ADARB2: variants seen among roughly 807,000 people sequenced by gnomAD.
ADARB2 encodes the protein inactive double-stranded RNA-specific editase B2.
A neutral mutation model predicts 62.2 loss-of-function variants in ADARB2; 25 were observed. That is an observed-to-expected ratio of 0.40 (90% CI 0.29 to 0.56). The LOEUF (loss-of-function observed/expected upper bound fraction) is 0.56, where lower values mean the gene tolerates loss of function less well. Ranked by LOEUF, ADARB2 falls within the 20% of genes least tolerant of loss-of-function variation. The pLI, the probability that ADARB2 is intolerant of heterozygous loss-of-function variation, is 0.43. For missense variants in ADARB2, 1,071 were observed against 1,077.4 expected (o/e 0.99, Z 0.08); for synonymous variants, 572 against 500.8 (o/e 1.14, Z -1.90).
intron 6 of ADARB2, among the ~76,000 whole-genome samples, chr10:1,229,194 GTTT>G (rs1830775371): frequency 6.6e-6 from 1 of 152,196 alleles, no homozygotes; most frequent in South Asian, 2.1e-4. Flanking sequence ...CTAGACAAAT[GTTT>G]TTGAGGGGAA....
chr10:1,244,504 T>C (rs1022035138), intron 4 of ADARB2, among the ~76,000 whole-genome samples: 5 of 152,152 alleles, frequency 3.3e-5, no homozygotes, highest in African/African-American at 1.2e-4. Flanking sequence ...TACCCCTCAT[T>C]GATTCCCAGC....
chr10:1,481,208 T>C (rs1831466161), intron 1 of ADARB2, among the ~76,000 whole-genome samples: 1 of 152,244 alleles, frequency 6.6e-6, no homozygotes, highest in Non-Finnish European at 1.5e-5. Flanking sequence ...AACTAGTCAA[T>C]GCAGAAAGGA....
At chr10:1,594,245 C>T (rs1426312702) in intron 1 of ADARB2, among the ~76,000 whole-genome samples, 4 of 152,096 alleles carry the variant, frequency 2.6e-5, no homozygotes, top group African/African-American at 9.7e-5. Context: ...GACCTGAGAT[C>T]GTGCCACTGC....
At chr10:1,638,388 A>G (rs1833939282) in intron 1 of ADARB2, among the ~76,000 whole-genome samples, 1 of 152,260 alleles carries the variant, frequency 6.6e-6, no homozygotes, top group Non-Finnish European at 1.5e-5. Context: ...TCTTAGCATT[A>G]ATACAGAAAT....
At chr10:1,361,388 T>G (rs1386190400) in intron 3 of ADARB2, 1 of 152,326 alleles carries the variant, frequency 6.6e-6, no homozygotes, top group East Asian at 1.9e-4. Flanking sequence ...GTGGAAGCCA[T>G]CCTTGCTGTC....
intron 1 of ADARB2, among the ~76,000 whole-genome samples, chr10:1,464,758 T>C (rs1464358250): frequency 1.4e-4 from 19 of 140,686 alleles, no homozygotes; most frequent in African/African-American, 4.8e-4. Flanking sequence ...CTGGGGGCAG[T>C]CACAGCGGGC....
intron 6 of ADARB2, among the ~76,000 whole-genome samples, chr10:1,226,619 C>G (rs1830748963): frequency 1.3e-5 from 2 of 152,200 alleles, no homozygotes; most frequent in South Asian, 4.1e-4. Context: ...TGTTAGTTTT[C>G]CTTCTAACAG....
intron 2 of ADARB2, among the ~76,000 whole-genome samples, chr10:1,375,281 C>T (rs1832412350): frequency 4.6e-5 from 7 of 152,192 alleles, no homozygotes; most frequent in Admixed American, 4.6e-4. Context: ...GGACTCATGG[C>T]TGCTCAGTGT....
intron 1 of ADARB2, among the ~76,000 whole-genome samples, chr10:1,429,058 A>C (rs546959953): frequency 6.6e-5 from 10 of 150,432 alleles, no homozygotes; most frequent in African/African-American, 2.5e-4. Context: ...TGGTCTGAAT[A>C]AGGTGGGTGG....
intron 3 of ADARB2, among the ~76,000 whole-genome samples, chr10:1,327,628 C>G (rs372629512): frequency 8.9e-6 from 1 of 112,600 alleles, no homozygotes; most frequent in Non-Finnish European, 2.0e-5. Flanking sequence ...CGCCTCCCCA[C>G]GGCACAGCGC....
intron 1 of ADARB2, among the ~76,000 whole-genome samples, chr10:1,578,498 G>A (rs1343030357): frequency 6.6e-6 from 1 of 152,198 alleles, no homozygotes; most frequent in East Asian, 1.9e-4. Context: ...TGGGAGCTGT[G>A]CTGGTGCAAA....
chr10:1,569,704 T>G (rs891207976), intron 1 of ADARB2, among the ~76,000 whole-genome samples: 1 of 152,232 alleles, frequency 6.6e-6, no homozygotes, highest in African/African-American at 2.4e-5. Context: ...GCCATAAATT[T>G]GATCATATTT....
At chr10:1,544,830 G>C (rs186853017) in intron 1 of ADARB2, among the ~76,000 whole-genome samples, 523 of 152,166 alleles carry the variant, frequency 3.4e-3, no homozygotes, top group Non-Finnish European at 5.8e-3. Flanking sequence ...GATATGTAAA[G>C]AGTATGTAAT....
At chr10:1,217,368 G>T (rs758775862) in intron 6 of ADARB2, among the ~76,000 whole-genome samples, 3 of 152,146 alleles carry the variant, frequency 2.0e-5, no homozygotes, top group Non-Finnish European at 2.9e-5. Flanking sequence ...TCATGGGCCA[G>T]ACTCTCTTTT....
At chr10:1,569,480 G>A (rs1359467560) in intron 1 of ADARB2, among the ~76,000 whole-genome samples, 1 of 152,202 alleles carries the variant, frequency 6.6e-6, no homozygotes, top group African/African-American at 2.4e-5. Context: ...AGCGTGGCTG[G>A]TTTACCCAAC....
rs79645208 is a variant in ADARB2, at chr10:1,403,937, T to C, written c.101-24777A>G. Among the ~76,000 whole-genome samples the C allele has an allele frequency of 5.3e-4, 80 of 152,318 alleles. No homozygotes were observed. The East Asian group carries it at 0.015, about 28-fold the overall frequency. On this transcript the variant is annotated intron_variant, in intron 1 of 9. Coordinates refer to ENST00000381312, the MANE Select transcript of ADARB2 (RefSeq NM_018702.4). The stretch of plus-strand genomic sequence containing the variant: ...TCATCTGGGTGTGTCTGCAGGGCAC[T>C]GTCCTGTGAATATCAACCAGGCCAG...
chr10:1,228,529 C>T (rs1830768057), intron 6 of ADARB2, among the ~76,000 whole-genome samples: 1 of 152,228 alleles, frequency 6.6e-6, no homozygotes, highest in African/African-American at 2.4e-5. Flanking sequence ...CATAGACACA[C>T]ACAGCATGTT....
intron 1 of ADARB2, among the ~76,000 whole-genome samples, chr10:1,655,010 T>A (rs954011552): frequency 6.6e-5 from 10 of 152,164 alleles, no homozygotes; most frequent in African/African-American, 2.4e-4. Context: ...GGCGTGAGGG[T>A]GAGGACGCGG....
intron 1 of ADARB2, among the ~76,000 whole-genome samples, chr10:1,511,983 C>G (rs1387852960): frequency 6.6e-6 from 1 of 151,568 alleles, no homozygotes; most frequent in African/African-American, 2.4e-5. Flanking sequence ...ACATTGGATA[C>G]TAAGACATGG....
Sources: allele counts gnomAD v4.1 joint callset (sites outside exome capture counted in the v4.1 genomes callset), GRCh38; gene constraint gnomAD v4.1.1; transcripts MANE v1.5; gene names NCBI Gene and HGNC (gene_info 2026-07-23, HGNC 2026-07-21).